The following PSEN1 variants were observed in gnomAD, a reference collection of about 807,000 sequenced individuals.
PSEN1 encodes the protein presenilin 1, also known as presenilin-1.
PSEN1 carries 15 observed loss-of-function variants against 53.5 expected under a neutral mutation model. That is an observed-to-expected ratio of 0.28 (90% CI 0.19 to 0.43). PSEN1 has a LOEUF of 0.43. PSEN1 is among the 20% of genes least tolerant of loss of function. The pLI, the probability that PSEN1 is intolerant of heterozygous loss-of-function variation, is 1.00. For missense variants in PSEN1, 387 were observed against 571.2 expected (o/e 0.68, Z 3.29); for synonymous variants, 208 against 209.8 (o/e 0.99, Z 0.08).
At chr14:73,141,337 T>C (rs1327593098) in intron 1 of PSEN1, among the ~76,000 whole-genome samples, 5 of 151,580 alleles carry the variant, frequency 3.3e-5, no homozygotes, top group Non-Finnish European at 7.4e-5. Flanking sequence ...AATCACCAAA[T>C]GGGATGTATC....
At chr14:73,174,750 A>T (rs362341) in intron 5 of PSEN1, among the ~76,000 whole-genome samples, 15,901 of 152,106 alleles carry the variant, frequency 0.1, 2,260 homozygotes, top group African/African-American at 0.32. Context: ...CCTTGCCTAA[A>T]CTGGTAGCCA....
chr14:73,186,137 T>C (rs1322852231), intron 5 of PSEN1, among the ~76,000 whole-genome samples: 1 of 151,982 alleles, frequency 6.6e-6, no homozygotes, highest in Non-Finnish European at 1.5e-5. Context: ...CCTAGCACTT[T>C]GGGAGGCCAA....
chr14:73,167,012 TTTG>T (rs1474190774), intron 3 of PSEN1, among the ~76,000 whole-genome samples: 1 of 152,166 alleles, frequency 6.6e-6, no homozygotes, highest in South Asian at 2.1e-4. Flanking sequence ...ATTTATTTAT[TTTG>T]TTGTTGTCAT....
intron 5 of PSEN1, among the ~76,000 whole-genome samples, chr14:73,183,181 G>A (rs546849116): frequency 1.3e-5 from 2 of 152,248 alleles, no homozygotes; most frequent in African/African-American, 2.4e-5. Context: ...GCAATGGTGC[G>A]ATCTCAGCTC....
At chr14:73,192,094 A>G (rs1257158072) in intron 6 of PSEN1, among the ~76,000 whole-genome samples, 3 of 152,152 alleles carry the variant, frequency 2.0e-5, no homozygotes, top group Non-Finnish European at 4.4e-5. Flanking sequence ...CTATTAAGAA[A>G]AAGTTCAGCT....
chr14:73,198,080 A>G lies in PSEN1; in HGVS notation c.819A>G (p.Glu273=), dbSNP rs1409575078. ...AAGGTCCACTTCGTATGCTGGTTGAAACAGCTCAGGAGAGAAATGAAACGC... is the reference window on the plus strand; with the variant it reads ...AAGGTCCACTTCGTATGCTGGTTGAGACAGCTCAGGAGAGAAATGAAACGC... ...CPKGPLRMLV[E]TAQERNETLF... Residue 273 remains glutamate (E), a synonymous_variant, in exon 8 of 12, where the codon GAA becomes GAG. Coordinates refer to ENST00000324501, the MANE Select transcript of PSEN1 (RefSeq NM_000021.4). 27 of 1,613,092 alleles carry G rather than the reference A, an allele frequency of 1.7e-5. No homozygotes were observed. The Admixed American group carries it at 4.5e-4, about 27-fold the overall frequency.
At position 73,222,395 on chromosome 14, in the gene PSEN1, G is replaced by A. The variant is rs1465318973; in HGVS notation, c.*3106G>A. ...GATGTTTATTACTTGTTATTTACGT[G>A]GCCTCAGACAGTGTATGTATTCTCG... On this transcript the variant is annotated 3_prime_UTR_variant, in exon 12 of 12. Transcript: ENST00000324501. The A allele has an allele frequency of 6.6e-6, 1 of 152,252 alleles. No individual in the cohort carries two copies. Among genetic ancestry groups the A allele is most frequent in the Non-Finnish European group, 1.5e-5 (1 of 68,028 alleles). The allele number at this position is 152,252 out of a possible 1,614,324, so 9.4% of individuals were successfully genotyped here.
At chr14:73,217,383 C>A in intron 11 of PSEN1, 139 bp downstream of exon 11, 1 of 946,078 alleles carries the variant, frequency 1.1e-6, no homozygotes, top group Non-Finnish European at 1.7e-6. Context: ...ATAATTGGAC[C>A]TCACCTTAGT....
intron 7 of PSEN1, among the ~76,000 whole-genome samples, chr14:73,196,503 G>T: frequency 7.7e-6 from 1 of 129,492 alleles, no homozygotes; most frequent in African/African-American, 3.0e-5. Context: ...TTTTTTTGAG[G>T]CACGGTCTTA....
chr14:73,200,435 G>C (rs961577633), intron 8 of PSEN1, among the ~76,000 whole-genome samples: 1 of 151,786 alleles, frequency 6.6e-6, no homozygotes, highest in Non-Finnish European at 1.5e-5. Flanking sequence ...ACGCCTGGCT[G>C]ATTTTTGTAT....
chr14:73,205,547 C>T (rs1366128377), intron 8 of PSEN1, among the ~76,000 whole-genome samples: 6 of 151,762 alleles, frequency 4.0e-5, no homozygotes, highest in African/African-American at 9.7e-5. Context: ...CATTTGGTTC[C>T]CACCATAACC....
intron 9 of PSEN1, among the ~76,000 whole-genome samples, chr14:73,207,169 A>C (rs1899487238): frequency 6.6e-6 from 1 of 152,134 alleles, no homozygotes. Flanking sequence ...AATAATGAAT[A>C]ATAATAATGA....
At chr14:73,218,886 T>G (rs1294522588) in intron 11 of PSEN1, among the ~76,000 whole-genome samples, 1 of 152,240 alleles carries the variant, frequency 6.6e-6, no homozygotes, top group African/African-American at 2.4e-5. Flanking sequence ...TATTTTCAGA[T>G]TCTATTTCTT....
rs1389610317 is a variant in PSEN1 at position 73,205,259 on chromosome 14, G to A, written c.869-1127G>A. Among the ~76,000 whole-genome samples the A allele has an allele frequency of 2.6e-5, 4 of 152,032 alleles. No homozygotes were observed. The South Asian group carries it at 6.2e-4, about 24-fold the overall frequency. On this transcript the variant is annotated intron_variant, in intron 8 of 11. Coordinates refer to ENST00000324501, the MANE Select transcript of PSEN1 (RefSeq NM_000021.4). ...TGGGAGGCTGAGGCGGGCGGATCACGAGGTCAGGAGATCGAGACCATCCTG... is the reference window on the plus strand; with the variant it reads ...TGGGAGGCTGAGGCGGGCGGATCACAAGGTCAGGAGATCGAGACCATCCTG...
At chr14:73,171,529 G>A (rs1485461605) in intron 4 of PSEN1, among the ~76,000 whole-genome samples, 1 of 152,158 alleles carries the variant, frequency 6.6e-6, no homozygotes, top group Non-Finnish European at 1.5e-5. Context: ...CTTACAGATG[G>A]AACAATGGCA....
chr14:73,165,106 G>A (rs1384897378), intron 3 of PSEN1, among the ~76,000 whole-genome samples: 3 of 151,846 alleles, frequency 2.0e-5, no homozygotes, highest in African/African-American at 7.3e-5. Flanking sequence ...ACAGGTGCCC[G>A]CCACCACACT....
At chr14:73,205,135 T>A (rs362372) in intron 8 of PSEN1, among the ~76,000 whole-genome samples, 7,079 of 152,146 alleles carry the variant, frequency 0.047, 451 homozygotes, top group African/African-American at 0.14. Flanking sequence ...ATAAAATTAT[T>A]GTGATAAAAA....
rs574602588 is a variant in PSEN1, at chr14:73,206,715, G to A, written c.955+243G>A. On this transcript the variant is annotated intron_variant, in intron 9 of 11. Transcript: ENST00000324501. The stretch of plus-strand genomic sequence containing the variant: ...CCCATTAAATACAGAATACCAGCAT[G>A]GAAAGGTTCAGGCTGAGGTTATGAT... Among the ~76,000 whole-genome samples, 20 of 152,200 alleles carry A rather than the reference G, an allele frequency of 1.3e-4. No homozygotes were observed. In the South Asian group the frequency reaches 4.2e-3, roughly 32 times the overall value.
At chr14:73,151,895 T>TATATATATATATATATATATATATATATA (rs1491464395) in intron 3 of PSEN1, among the ~76,000 whole-genome samples, 2 of 10,964 alleles carry the variant, frequency 1.8e-4, no homozygotes, top group East Asian at 3.7e-3. Context: ...TATATATATA[T>TATATATATATATATATATATATATATATA]TTTTTTTTTT....
Sources: gnomAD v4.1 joint callset for allele counts (sites outside exome capture counted in the v4.1 genomes callset) on GRCh38, gnomAD v4.1.1 for gene constraint, MANE v1.5 for transcripts, NCBI Gene and HGNC (gene_info 2026-07-23, HGNC 2026-07-21) for gene names.